The following RAB31 variants were observed in gnomAD, a reference collection of about 807,000 sequenced individuals.
RAB31 encodes ras-related protein Rab-31.
A neutral mutation model predicts 25.6 loss-of-function variants in RAB31; 21 were observed. The ratio of observed to expected loss-of-function variants is 0.82; its 90% confidence interval spans 0.58 to 1.18. The LOEUF is 1.18. Among genes scored for constraint, RAB31 ranks in the 50% most tolerant of loss-of-function variants. The probability of loss-of-function intolerance (pLI) is 0.00; values close to 1 mark genes in which losing one functional copy is unlikely to be tolerated. For missense variants in RAB31, 196 were observed against 250.1 expected (o/e 0.78, Z 1.46); for synonymous variants, 87 against 84.0 (o/e 1.04, Z -0.20).
chr18:9,853,963 C>CTTTTT (rs11376519), intron 6 of RAB31, among the ~76,000 whole-genome samples: 2 of 130,844 alleles, frequency 1.5e-5, no homozygotes, highest in African/African-American at 2.8e-5. Flanking sequence ...CTTTTCTTTT[C>CTTTTT]TTTTTTTTTT....
At chr18:9,750,500 G>A (rs8086174) in intron 1 of RAB31, among the ~76,000 whole-genome samples, 71,405 of 151,924 alleles carry the variant, frequency 0.47, 16,917 homozygotes, top group South Asian at 0.52. Flanking sequence ...TCCTTTTCTG[G>A]GGGAGAGGTG....
intron 5 of RAB31, among the ~76,000 whole-genome samples, chr18:9,823,623 T>G (rs2068634487): frequency 6.6e-6 from 1 of 152,120 alleles, no homozygotes; most frequent in African/African-American, 2.4e-5. Flanking sequence ...TTGATTTAGA[T>G]AAAAATAATA....
chr18:9,833,890 C>T (rs1242086417), intron 5 of RAB31, among the ~76,000 whole-genome samples: 1 of 152,166 alleles, frequency 6.6e-6, no homozygotes, highest in East Asian at 1.9e-4. Context: ...CTTGGGTCTT[C>T]TGTCAGCATC....
chr18:9,757,894 C>G (rs533904606), intron 1 of RAB31: 2 of 152,240 alleles, frequency 1.3e-5, no homozygotes, highest in Non-Finnish European at 2.9e-5. Context: ...TCTGGCAATG[C>G]CTCTAAGATT....
rs572266591 is a variant in RAB31 at position 9,788,500 on chromosome 18, T to G, written c.120-3654T>G. Among the ~76,000 whole-genome samples, 15 of 152,314 alleles carry G rather than the reference T, an allele frequency of 9.8e-5. No individual in the cohort carries two copies. The South Asian group carries it at 3.1e-3, about 32-fold the overall frequency. On this transcript the variant is annotated intron_variant, in intron 2 of 6. Transcript: ENST00000578921. ...TTATGGAAGACAGTATGGAGGTTTC[T>G]CAACAAAGCTAAAAATAGAACTGCC...
At chr18:9,811,971 T>C (rs545159185) in intron 3 of RAB31, among the ~76,000 whole-genome samples, 18 of 152,336 alleles carry the variant, frequency 1.2e-4, no homozygotes, top group Non-Finnish European at 2.2e-4. Context: ...TTCTTACCAT[T>C]TGGGAGCTGG....
chr18:9,741,651 G>A (rs1292025602), intron 1 of RAB31, among the ~76,000 whole-genome samples: 3 of 152,166 alleles, frequency 2.0e-5, no homozygotes, highest in African/African-American at 7.2e-5. Flanking sequence ...TGTGCAGCAC[G>A]TACATGTCCA....
intron 2 of RAB31, chr18:9,787,021 C>T: frequency 5.6e-6 from 1 of 179,576 alleles, no homozygotes; most frequent in Non-Finnish European, 1.3e-5. Context: ...AGGCAACAAG[C>T]CTATTAAAAA....
intron 6 of RAB31, among the ~76,000 whole-genome samples, chr18:9,858,806 G>A (rs767036808): frequency 1.5e-4 from 23 of 152,198 alleles, no homozygotes; most frequent in South Asian, 2.1e-4. Context: ...AGAAAAGATG[G>A]ATGAGTACTC....
chr18:9,748,404 G>T (rs749516879), intron 1 of RAB31, among the ~76,000 whole-genome samples: 10 of 152,104 alleles, frequency 6.6e-5, no homozygotes, highest in Non-Finnish European at 1.0e-4. Flanking sequence ...TACTCAGGAG[G>T]CTGAGGTGGG....
At chr18:9,827,806 T>A (rs1447443337) in intron 5 of RAB31, among the ~76,000 whole-genome samples, 1 of 152,226 alleles carries the variant, frequency 6.6e-6, no homozygotes, top group Non-Finnish European at 1.5e-5. Flanking sequence ...GGCAGCAAAG[T>A]GCTGTGAGAA....
At chr18:9,812,768 G>A (rs1184901205) in intron 3 of RAB31, among the ~76,000 whole-genome samples, 1 of 129,962 alleles carries the variant, frequency 7.7e-6, no homozygotes, top group Non-Finnish European at 1.5e-5. Context: ...TGCAATCTTA[G>A]CTCACTGCAA....
At chr18:9,709,524 G>A (rs2145449569) in intron 1 of RAB31, among the ~76,000 whole-genome samples, 1 of 152,346 alleles carries the variant, frequency 6.6e-6, no homozygotes, top group East Asian at 1.9e-4. Context: ...AATGATTTCG[G>A]TGAGGACTGA....
chr18:9,760,103 T>G (rs761628430), intron 1 of RAB31, among the ~76,000 whole-genome samples: 7 of 152,192 alleles, frequency 4.6e-5, no homozygotes, highest in Non-Finnish European at 8.8e-5. Context: ...GATATGCATC[T>G]TCCACATTTT....
intron 2 of RAB31, among the ~76,000 whole-genome samples, chr18:9,783,966 C>G (rs2068418733): frequency 6.6e-6 from 1 of 152,164 alleles, no homozygotes; most frequent in African/African-American, 2.4e-5. Context: ...TTGGTACCAA[C>G]TAAGTTTGGC....
intron 1 of RAB31, among the ~76,000 whole-genome samples, chr18:9,713,991 TA>T (rs1041555130): frequency 1.3e-5 from 2 of 152,346 alleles, no homozygotes; most frequent in South Asian, 4.1e-4. Context: ...CATTGGAGGT[TA>T]GGCTTCAAAA....
At chr18:9,801,038 A>G (rs1006474339) in intron 3 of RAB31, among the ~76,000 whole-genome samples, 4 of 152,154 alleles carry the variant, frequency 2.6e-5, no homozygotes, top group Non-Finnish European at 4.4e-5. Flanking sequence ...TGGACATTTC[A>G]CACAAATGGA....
At chr18:9,711,325 C>T (rs546608826) in intron 1 of RAB31, among the ~76,000 whole-genome samples, 23 of 152,138 alleles carry the variant, frequency 1.5e-4, no homozygotes, top group African/African-American at 1.9e-4. Context: ...TCTCTTGATT[C>T]GAGAGACCCT....
chr18:9,860,046 T>A lies in RAB31; in HGVS notation c.*721T>A, dbSNP rs576024395. 1 of 152,344 alleles carries A rather than the reference T, an allele frequency of 6.6e-6. No individual in the cohort carries two copies. The highest frequency in any genetic ancestry group is 2.4e-5 in the African/African-American group (1 of 41,568). The allele number at this position is 152,344 out of a possible 1,614,324, so 9.4% of individuals were successfully genotyped here. ...GGGTGGCCTAGTTTGAAAGAGTGATTTAAGTAATCACTATGTAAGTGGTGA... is the reference window on the plus strand; with the variant it reads ...GGGTGGCCTAGTTTGAAAGAGTGATATAAGTAATCACTATGTAAGTGGTGA... On this transcript the variant is annotated 3_prime_UTR_variant, in exon 7 of 7. Coordinates refer to ENST00000578921, the MANE Select transcript of RAB31 (RefSeq NM_006868.4).
Sources: allele counts gnomAD v4.1 joint callset (sites outside exome capture counted in the v4.1 genomes callset), GRCh38; gene constraint gnomAD v4.1.1; transcripts MANE v1.5; gene names NCBI Gene and HGNC (gene_info 2026-07-23, HGNC 2026-07-21).